PALS1: variants seen among roughly 807,000 people sequenced by gnomAD.
The protein encoded by PALS1 is protein PALS1.
PALS1 carries 31 observed loss-of-function variants against 78.9 expected under a neutral mutation model. That is an observed-to-expected ratio of 0.39 (90% CI 0.30 to 0.53). The LOEUF (loss-of-function observed/expected upper bound fraction) is 0.53, where lower values mean the gene tolerates loss of function less well. PALS1 is among the 20% of genes least tolerant of loss of function. The pLI, the probability that PALS1 is intolerant of heterozygous loss-of-function variation, is 0.67. For missense variants in PALS1, 704 were observed against 826.5 expected (o/e 0.85, Z 1.82); for synonymous variants, 276 against 270.9 (o/e 1.02, Z -0.18).
At chr14:67,262,062 C>T (rs1320121719) in intron 1 of PALS1, among the ~76,000 whole-genome samples, 3 of 152,106 alleles carry the variant, frequency 2.0e-5, no homozygotes, top group Non-Finnish European at 2.9e-5. Flanking sequence ...AGTTAATGTT[C>T]TATTGCTTCT....
intron 1 of PALS1, among the ~76,000 whole-genome samples, chr14:67,257,335 T>C (rs957912696): frequency 2.6e-5 from 4 of 152,138 alleles, no homozygotes; most frequent in African/African-American, 9.7e-5. Flanking sequence ...AATTTCCTTG[T>C]GGGCAAATGG....
intron 1 of PALS1, among the ~76,000 whole-genome samples, chr14:67,251,298 C>T (rs149344023): frequency 2.0e-3 from 310 of 152,190 alleles, no homozygotes; most frequent in African/African-American, 7.0e-3. Flanking sequence ...TTTTGGAGGC[C>T]GAGGCAGGAG....
chr14:67,260,984 T>C (rs2084226849), intron 1 of PALS1, among the ~76,000 whole-genome samples: 1 of 151,772 alleles, frequency 6.6e-6, no homozygotes, highest in Non-Finnish European at 1.5e-5. Context: ...TGCCCTGGAG[T>C]CAAGCAGACT....
chr14:67,256,864 T>A (rs1723912881), intron 1 of PALS1, among the ~76,000 whole-genome samples: 1 of 151,814 alleles, frequency 6.6e-6, no homozygotes, highest in Non-Finnish European at 1.5e-5. Context: ...AATGTATACA[T>A]TAAAAAAATA....
intron 1 of PALS1, among the ~76,000 whole-genome samples, chr14:67,257,882 A>G (rs2084171457): frequency 6.6e-6 from 1 of 152,186 alleles, no homozygotes; most frequent in Non-Finnish European, 1.5e-5. Flanking sequence ...CGTACAACAC[A>G]TATGCAACAC....
intron 3 of PALS1, among the ~76,000 whole-genome samples, chr14:67,282,333 C>T (rs1002064402): frequency 6.6e-6 from 1 of 152,130 alleles, no homozygotes; most frequent in African/African-American, 2.4e-5. Context: ...GCCTTTTTCA[C>T]ATCTAGAAAC....
chr14:67,251,994 C>T (rs8016037), intron 1 of PALS1, among the ~76,000 whole-genome samples: 23,437 of 151,974 alleles, frequency 0.15, 3,410 homozygotes, highest in East Asian at 0.42. Flanking sequence ...TCTGGGTTGG[C>T]GAATATTTCA....
chr14:67,329,454 T>C (rs765406088), intron 14 of PALS1, among the ~76,000 whole-genome samples: 1 of 152,196 alleles, frequency 6.6e-6, no homozygotes, highest in Non-Finnish European at 1.5e-5. Flanking sequence ...CTTTTCCTAA[T>C]TGAATACCCT....
intron 1 of PALS1, among the ~76,000 whole-genome samples, chr14:67,266,090 A>G (rs1433582401): frequency 6.6e-6 from 1 of 152,126 alleles, no homozygotes; most frequent in Non-Finnish European, 1.5e-5. Flanking sequence ...TACAAATGTA[A>G]GCCACCATCC....
At chr14:67,287,239 A>AC (rs1360169879) in intron 3 of PALS1, among the ~76,000 whole-genome samples, 1 of 152,090 alleles carries the variant, frequency 6.6e-6, no homozygotes, top group African/African-American at 2.4e-5. Context: ...ACAAAAAAAA[A>AC]GACACTGGAG....
chr14:67,318,482 A>G (rs1399973632), intron 11 of PALS1, among the ~76,000 whole-genome samples: 1 of 152,220 alleles, frequency 6.6e-6, no homozygotes, highest in African/African-American at 2.4e-5. Context: ...GAGCTACTGT[A>G]CTGTAGAAAA....
chr14:67,320,357 C>T lies in PALS1; in HGVS notation c.1497C>T (p.Leu499=). 3.1e-6 allele frequency: 5 copies of T among 1,611,928 alleles called. No individual in the cohort carries two copies. Among genetic ancestry groups the T allele is most frequent in the African/African-American group, 1.3e-5 (1 of 74,948 alleles). Residue 499 remains leucine (L), a synonymous_variant, in exon 12 of 15, where the codon CTC becomes CTT. Coordinates refer to ENST00000261681, the MANE Select transcript of PALS1 (RefSeq NM_022474.4). ...GCCAGAATGAATTGCGTCAGAGGCT[C>T]ATGAACAAAGAAAAGGACCGCTTTG... The part of the protein sequence containing the change: ...NCGQNELRQR[L]MNKEKDRFAS...
chr14:67,277,600 GA>G (rs35255576), intron 2 of PALS1, among the ~76,000 whole-genome samples: 49 of 144,986 alleles, frequency 3.4e-4, no homozygotes, highest in Admixed American at 1.1e-3. Context: ...GCTCTTGAGT[GA>G]AAAAAAAAAG....
chr14:67,316,846 C>A lies in PALS1; in HGVS notation c.1240C>A (p.Gln414Lys), dbSNP rs769099779. 22 of 1,611,240 alleles carry A rather than the reference C, an allele frequency of 1.4e-5. No homozygotes were observed. Among genetic ancestry groups the A allele is most frequent in the Non-Finnish European group, 1.8e-5 (21 of 1,178,586 alleles). Residue 414 changes from glutamine to lysine, a missense_variant, in exon 10 of 15, where the codon CAG becomes AAG. Gln to Lys is a moderately conservative substitution (Grantham distance 53, BLOSUM62 1). Transcript: ENST00000261681. ...AGLVPGKSFQ[Q>K]QREAMKQTIE... Reference sequence around the variant, plus strand: ...CTGCTATTAAGGGAAAAGCTTTCAGCAGCAAAGGGAAGCCATGAAACAAAC... The same window carrying A: ...CTGCTATTAAGGGAAAAGCTTTCAGAAGCAAAGGGAAGCCATGAAACAAAC...
chr14:67,274,498 A>G (rs2084465447), intron 2 of PALS1, among the ~76,000 whole-genome samples: 1 of 152,136 alleles, frequency 6.6e-6, no homozygotes, highest in Admixed American at 6.6e-5. Context: ...TTTTGGTACC[A>G]GTAGCATGCT....
rs1369834676 is a variant in PALS1 at position 67,335,770 on chromosome 14, C to A, written c.*2814C>A. 6.6e-6 allele frequency: 1 copy of A among 152,632 alleles called. No homozygotes were observed. Among genetic ancestry groups the A allele is most frequent in the African/African-American group, 2.4e-5 (1 of 41,436 alleles). The allele number at this position is 152,632 out of a possible 1,614,324, so 9.5% of individuals were successfully genotyped here. On this transcript the variant is annotated 3_prime_UTR_variant, in exon 15 of 15. Coordinates refer to ENST00000261681, the MANE Select transcript of PALS1 (RefSeq NM_022474.4). Reference sequence around the variant, plus strand: ...TTATTTTGAGATGTCATACTGTACACTGTATTGTAAAAATAAAAAGTAAAA... The same window carrying A: ...TTATTTTGAGATGTCATACTGTACAATGTATTGTAAAAATAAAAAGTAAAA...
At chr14:67,260,697 CAA>C (rs1314558902) in intron 1 of PALS1, among the ~76,000 whole-genome samples, 1 of 151,986 alleles carries the variant, frequency 6.6e-6, no homozygotes, top group African/African-American at 2.4e-5. Flanking sequence ...AGTTTAATGA[CAA>C]AATATAAGCA....
intron 13 of PALS1, among the ~76,000 whole-genome samples, chr14:67,321,569 G>A (rs144907949): frequency 3.9e-5 from 6 of 152,296 alleles, no homozygotes; most frequent in African/African-American, 1.4e-4. Context: ...GAGCTATCTT[G>A]AGGATAGACC....
intron 14 of PALS1, among the ~76,000 whole-genome samples, chr14:67,324,941 G>T (rs1595618993): frequency 9.1e-6 from 1 of 109,440 alleles, no homozygotes. Context: ...GTCTTGCTCT[G>T]TCACCCAGGC....
Sources: gnomAD v4.1 joint callset for allele counts (sites outside exome capture counted in the v4.1 genomes callset) on GRCh38, gnomAD v4.1.1 for gene constraint, MANE v1.5 for transcripts, NCBI Gene and HGNC (gene_info 2026-07-23, HGNC 2026-07-21) for gene names.